GALNTL6: variants seen among roughly 807,000 people sequenced by gnomAD.
GALNTL6 encodes the protein polypeptide N-acetylgalactosaminyltransferase like 6, also known as polypeptide N-acetylgalactosaminyltransferase-like 6.
A neutral mutation model predicts 73.7 loss-of-function variants in GALNTL6; 46 were observed. The observed-to-expected ratio is 0.62, with a 90% CI of 0.49 to 0.80. The LOEUF (loss-of-function observed/expected upper bound fraction) is 0.80, where lower values mean the gene tolerates loss of function less well. Among genes scored for constraint, GALNTL6 ranks in the 30% least tolerant of loss-of-function variants. GALNTL6 has a pLI of 0.00. For synonymous variants in GALNTL6, 259 were observed against 263.7 expected (o/e 0.98, Z 0.17); for missense variants, 604 against 755.0 (o/e 0.80, Z 2.34).
In GALNTL6 at chr4:172,883,172, G is replaced by A. The variant is rs1014397311; in HGVS notation, c.1041+265G>A. Among the ~76,000 whole-genome samples the A allele has an allele frequency of 2.6e-5, 4 of 152,062 alleles. No homozygotes were observed. The East Asian group carries it at 7.7e-4, about 29-fold the overall frequency. ...GCATAATGATCAAATCAGGGTAACT[G>A]GGATATCCATCACCTCAAACATTCA... is the stretch of plus-strand genomic sequence containing the variant. On this transcript the variant is annotated intron_variant, in intron 8 of 12. Transcript: ENST00000506823.
chr4:172,311,500 C>T (rs1327922934), intron 3 of GALNTL6, 114 bp from the exon 4 acceptor site: 22 of 704,124 alleles, frequency 3.1e-5, no homozygotes, highest in Non-Finnish European at 4.7e-5. Context: ...AGTACTAGCT[C>T]CTTCTGCAGA....
At chr4:172,002,759 T>C (rs1203508593) in intron 2 of GALNTL6, among the ~76,000 whole-genome samples, 1 of 152,134 alleles carries the variant, frequency 6.6e-6, no homozygotes, top group Non-Finnish European at 1.5e-5. Context: ...ATCCCTAATA[T>C]AATCCTTGAG....
chr4:172,772,551 A>G (rs1159568386), intron 5 of GALNTL6, among the ~76,000 whole-genome samples: 1 of 149,058 alleles, frequency 6.7e-6, no homozygotes, highest in African/African-American at 2.4e-5. Flanking sequence ...TGAGAAATTT[A>G]GGGAAGTATT....
intron 2 of GALNTL6, among the ~76,000 whole-genome samples, chr4:171,883,404 A>G (rs572690667): frequency 6.6e-6 from 1 of 152,186 alleles, no homozygotes; most frequent in South Asian, 2.1e-4. Context: ...TTGGACAGGG[A>G]ACATGTCTTT....
chr4:172,198,559 T>A (rs1210130393), intron 2 of GALNTL6, among the ~76,000 whole-genome samples: 3 of 152,174 alleles, frequency 2.0e-5, no homozygotes, highest in African/African-American at 7.2e-5. Context: ...CAAAATGAGA[T>A]ACCACCAGTG....
At chr4:172,107,415 G>A (rs955844433) in intron 2 of GALNTL6, among the ~76,000 whole-genome samples, 2 of 151,976 alleles carry the variant, frequency 1.3e-5, no homozygotes, top group Admixed American at 6.6e-5. Context: ...TACCTGAATT[G>A]TGACATCTAT....
At chr4:172,871,701 A>C (rs1054473555) in intron 7 of GALNTL6, among the ~76,000 whole-genome samples, 2 of 151,816 alleles carry the variant, frequency 1.3e-5, no homozygotes, top group African/African-American at 2.4e-5. Flanking sequence ...TTCAAGGCAA[A>C]TGGTACAATT....
chr4:173,011,948 G>A (rs1752572342), intron 11 of GALNTL6, among the ~76,000 whole-genome samples: 2 of 152,116 alleles, frequency 1.3e-5, no homozygotes, highest in Non-Finnish European at 2.9e-5. Context: ...CTGTCACCCA[G>A]GCTGGAGTGC....
chr4:171,960,280 C>A (rs992182926), intron 2 of GALNTL6, among the ~76,000 whole-genome samples: 2 of 151,946 alleles, frequency 1.3e-5, no homozygotes, highest in Non-Finnish European at 2.9e-5. Flanking sequence ...TTCTTTTTTT[C>A]TCTTATTTTT....
intron 5 of GALNTL6, among the ~76,000 whole-genome samples, chr4:172,602,091 A>G (rs1167289908): frequency 3.9e-5 from 6 of 152,122 alleles, no homozygotes; most frequent in Admixed American, 6.6e-5. Flanking sequence ...AATATTCATA[A>G]CTTAGGATTT....
Position 172,498,015 on chromosome 4 carries a change from G to A in GALNTL6, c.553+149326G>A, listed in dbSNP as rs535531472. 1.1e-4 allele frequency among the ~76,000 whole-genome samples: 10 copies of A among 87,698 alleles called. No individual in the cohort carries two copies. The South Asian group carries it at 2.9e-3, about 25-fold the overall frequency. The allele number at this position is 87,698 out of a possible 152,430, so 57.5% of individuals were successfully genotyped here. A position where few individuals can be genotyped will look rare whatever the true frequency, so the allele number is the denominator to read the frequency against. ...TCTTTTTTTTTTGTTTTTTTGAGATGGAGTCTTGCTCTGTCGCCAGGCTGG... is the reference window on the plus strand; with the variant it reads ...TCTTTTTTTTTTGTTTTTTTGAGATAGAGTCTTGCTCTGTCGCCAGGCTGG... On this transcript the variant is annotated intron_variant, in intron 5 of 12. Transcript: ENST00000506823.
chr4:172,367,991 A>G (rs1326009386), intron 5 of GALNTL6, among the ~76,000 whole-genome samples: 1 of 152,254 alleles, frequency 6.6e-6, no homozygotes, highest in Non-Finnish European at 1.5e-5. Context: ...AAGACACAAA[A>G]TGATACTCAA....
At chr4:172,135,538 G>A (rs1733616459) in intron 2 of GALNTL6, among the ~76,000 whole-genome samples, 1 of 152,034 alleles carries the variant, frequency 6.6e-6, no homozygotes, top group African/African-American at 2.4e-5. Context: ...GAATTGAGAA[G>A]CAAACTTCTA....
chr4:172,605,834 G>A (rs1276041133), intron 5 of GALNTL6, among the ~76,000 whole-genome samples: 1 of 151,866 alleles, frequency 6.6e-6, no homozygotes, highest in Non-Finnish European at 1.5e-5. Context: ...AATGAGGATG[G>A]ATTTATTAAG....
intron 12 of GALNTL6, among the ~76,000 whole-genome samples, chr4:173,034,629 T>C (rs1051135832): frequency 6.6e-6 from 1 of 152,176 alleles, no homozygotes; most frequent in African/African-American, 2.4e-5. Context: ...CTTTGCATGG[T>C]TAATTAGCTT....
At chr4:172,947,009 G>T (rs1749199729) in intron 9 of GALNTL6, among the ~76,000 whole-genome samples, 1 of 152,130 alleles carries the variant, frequency 6.6e-6, no homozygotes, top group South Asian at 2.1e-4. Context: ...AGAGATTTTT[G>T]AGTTGAGCAG....
intron 5 of GALNTL6, among the ~76,000 whole-genome samples, chr4:172,417,992 T>C (rs1433325348): frequency 6.6e-6 from 1 of 152,184 alleles, no homozygotes; most frequent in Non-Finnish European, 1.5e-5. Flanking sequence ...GACTTTCAGA[T>C]GTAGTCAGCA....
Position 172,487,350 on chromosome 4 carries a change from CT to C in GALNTL6, c.553+138664del, listed in dbSNP as rs780556024. Reference sequence around the variant, plus strand: ...TCTTTCTTTCTTTCTTTCTTTCTTTCTTTCTTTCCTTCTTTCCTTCTTTTCT... The same window carrying C: ...TCTTTCTTTCTTTCTTTCTTTCTTTCTTCTTTCCTTCTTTCCTTCTTTTCT... On this transcript the variant is annotated intron_variant, in intron 5 of 12. Coordinates refer to ENST00000506823, the MANE Select transcript of GALNTL6 (RefSeq NM_001034845.3). 3.9e-3 allele frequency among the ~76,000 whole-genome samples: 474 copies of C among 122,552 alleles called. 3 individuals carry two copies. The highest frequency in any genetic ancestry group is 0.013 in the African/African-American group (444 of 33,882). 80.4% of individuals were successfully genotyped at this position (122,552 alleles called of 152,430 possible).
intron 5 of GALNTL6, among the ~76,000 whole-genome samples, chr4:172,462,818 C>A (rs1732665787): frequency 6.6e-6 from 1 of 152,166 alleles, no homozygotes; most frequent in South Asian, 2.1e-4. Flanking sequence ...AAGTTGCATA[C>A]TTCCTTTCAG....
Sources: gnomAD v4.1 joint callset for allele counts (sites outside exome capture counted in the v4.1 genomes callset) on GRCh38, gnomAD v4.1.1 for gene constraint, MANE v1.5 for transcripts, NCBI Gene and HGNC (gene_info 2026-07-23, HGNC 2026-07-21) for gene names.